NDC80: variants seen among roughly 807,000 people sequenced by gnomAD.
The protein encoded by NDC80 is NDC80 kinetochore complex component.
NDC80 carries 69 observed loss-of-function variants against 89.3 expected under a neutral mutation model. The ratio of observed to expected loss-of-function variants is 0.77; its 90% confidence interval spans 0.64 to 0.94. NDC80 has a LOEUF of 0.94. NDC80 is among the 40% of genes least tolerant of loss of function. NDC80 has a pLI of 0.00. For synonymous variants in NDC80, 243 were observed against 255.6 expected (o/e 0.95, Z 0.47); for missense variants, 593 against 739.6 (o/e 0.80, Z 2.30).
intron 3 of NDC80, among the ~76,000 whole-genome samples, chr18:2,575,586 A>G (rs2072542258): frequency 1.3e-5 from 2 of 152,034 alleles, no homozygotes; most frequent in Admixed American, 1.3e-4. Flanking sequence ...ACCCTGGGCA[A>G]CATTGCAAGA....
intron 3 of NDC80, 140 bp from the exon 4 acceptor site, chr18:2,577,606 C>A: frequency 1.1e-6 from 1 of 918,704 alleles, no homozygotes; most frequent in Non-Finnish European, 1.6e-6. Context: ...CTTTTCTCTG[C>A]TTTAAATAAG....
chr18:2,593,646 G>A (rs2072639121), intron 10 of NDC80: 1 of 171,414 alleles, frequency 5.8e-6, no homozygotes, highest in Non-Finnish European at 1.3e-5. Context: ...TGAATAACCA[G>A]ATGCTCTTTA....
At chr18:2,611,466 ATAT>A (rs1434236215) in intron 16 of NDC80, among the ~76,000 whole-genome samples, 2 of 152,246 alleles carry the variant, frequency 1.3e-5, no homozygotes, top group African/African-American at 4.8e-5. Context: ...TACTGAAAAC[ATAT>A]TAGTACATTT....
At chr18:2,585,765 A>G (rs1026398703) in intron 7 of NDC80, among the ~76,000 whole-genome samples, 4 of 152,190 alleles carry the variant, frequency 2.6e-5, no homozygotes, top group Admixed American at 2.0e-4. Flanking sequence ...TTAACTAAGT[A>G]AAAAATGGAA....
intron 13 of NDC80, among the ~76,000 whole-genome samples, chr18:2,604,251 A>G (rs2072698893): frequency 1.3e-5 from 2 of 152,218 alleles, no homozygotes; most frequent in Non-Finnish European, 2.9e-5. Context: ...ACTTAAGTAC[A>G]GGCTCCTTCT....
Position 2,606,631 on chromosome 18 carries a change from G to C in NDC80, c.1557+124G>C, listed in dbSNP as rs533165921. ...ATATATATCCTATAATTTGTATCTT[G>C]GGTTAGTTTTCTCTGCCAAAGTTTA... On this transcript the variant is annotated intron_variant, in intron 14 of 16. Transcript: ENST00000261597. The C allele has an allele frequency of 1.2e-3, 595 of 503,298 alleles. 2 individuals are homozygous for C. Among genetic ancestry groups the C allele is most frequent in the Non-Finnish European group, 1.6e-3 (495 of 302,544 alleles). The allele number at this position is 503,298 out of a possible 1,614,324, so 31.2% of individuals were successfully genotyped here.
intron 10 of NDC80, chr18:2,594,566 C>G (rs1366422776): frequency 3.1e-5 from 5 of 161,792 alleles, no homozygotes; most frequent in Non-Finnish European, 7.0e-5. Context: ...ATGTGTGACT[C>G]AACTGTCATG....
intron 10 of NDC80, among the ~76,000 whole-genome samples, chr18:2,591,526 G>A (rs957607049): frequency 6.6e-6 from 1 of 151,164 alleles, no homozygotes; most frequent in Non-Finnish European, 1.5e-5. Flanking sequence ...AGTATTGATT[G>A]TCAACTCAAG....
At chr18:2,577,020 T>C (rs1021732169) in intron 3 of NDC80, among the ~76,000 whole-genome samples, 17 of 152,214 alleles carry the variant, frequency 1.1e-4, no homozygotes, top group African/African-American at 4.1e-4. Context: ...TTTATTTCAG[T>C]TGATGAAAAA....
In NDC80 at chr18:2,596,565, G is replaced by T. The variant is rs371339349; in HGVS notation, c.1221+944G>T. ...GGATGTGGAGAAATAGGAACACTTTGACACTGTTGGTGGGACTGTAAACTA... is the reference window on the plus strand; with the variant it reads ...GGATGTGGAGAAATAGGAACACTTTTACACTGTTGGTGGGACTGTAAACTA... On this transcript the variant is annotated intron_variant, in intron 11 of 16. Transcript: ENST00000261597. Among the ~76,000 whole-genome samples the T allele has an allele frequency of 1.2e-3, 180 of 147,224 alleles. 4 individuals are homozygous for T. In the East Asian group the frequency reaches 0.032, roughly 26 times the overall value.
At chr18:2,585,732 CTA>C (rs1416029875) in intron 7 of NDC80, among the ~76,000 whole-genome samples, 1 of 150,732 alleles carries the variant, frequency 6.6e-6, no homozygotes, top group Non-Finnish European at 1.5e-5. Context: ...TTAAAAATAA[CTA>C]GGCACAAAAA....
intron 16 of NDC80, among the ~76,000 whole-genome samples, chr18:2,612,826 A>G (rs144331249): frequency 2.0e-5 from 3 of 152,340 alleles, no homozygotes; most frequent in Non-Finnish European, 4.4e-5. Context: ...CACTATGCAA[A>G]ATTTATGATT....
intron 7 of NDC80, among the ~76,000 whole-genome samples, chr18:2,587,239 G>A (rs1467084755): frequency 6.6e-6 from 1 of 152,150 alleles, no homozygotes; most frequent in Non-Finnish European, 1.5e-5. Context: ...TACATTCTCA[G>A]TGACCAAAAC....
chr18:2,607,340 G>A (rs1301319993), intron 14 of NDC80, among the ~76,000 whole-genome samples: 2 of 152,062 alleles, frequency 1.3e-5, no homozygotes, highest in African/African-American at 4.8e-5. Flanking sequence ...CCTTAGAAAT[G>A]ATTAATTTGG....
intron 16 of NDC80, among the ~76,000 whole-genome samples, chr18:2,611,934 A>G (rs949888665): frequency 1.3e-5 from 2 of 151,754 alleles, no homozygotes; most frequent in South Asian, 2.1e-4. Flanking sequence ...CCTAGATGCT[A>G]TGTCAGAAAA....
chr18:2,588,604 T>C (rs2072613094), intron 8 of NDC80, among the ~76,000 whole-genome samples: 1 of 152,188 alleles, frequency 6.6e-6, no homozygotes, highest in African/African-American at 2.4e-5. Flanking sequence ...ATCAATCACT[T>C]TGCCAGTATT....
intron 16 of NDC80, 29 bp downstream of exon 16, chr18:2,610,890 C>A: frequency 1.5e-6 from 2 of 1,330,888 alleles, no homozygotes; most frequent in South Asian, 1.7e-5. Flanking sequence ...TTCCTACGTT[C>A]TAAGAAAGGT....
chr18:2,603,090 G>A (rs1401989709), intron 13 of NDC80, among the ~76,000 whole-genome samples: 1 of 152,074 alleles, frequency 6.6e-6, no homozygotes, highest in African/African-American at 2.4e-5. Flanking sequence ...CTTGCTGTCT[G>A]TAGGATATCC....
At chr18:2,610,158 C>T (rs767097943) in intron 15 of NDC80, among the ~76,000 whole-genome samples, 1 of 152,170 alleles carries the variant, frequency 6.6e-6, no homozygotes, top group Non-Finnish European at 1.5e-5. Flanking sequence ...GTATATAATG[C>T]TCTTGAGCAA....
Sources: gnomAD v4.1 joint callset for allele counts (sites outside exome capture counted in the v4.1 genomes callset) on GRCh38, gnomAD v4.1.1 for gene constraint, MANE v1.5 for transcripts, NCBI Gene and HGNC (gene_info 2026-07-23, HGNC 2026-07-21) for gene names.